MBOAT4: variants seen among roughly 807,000 people sequenced by gnomAD.
MBOAT4 encodes the protein membrane-bound ghrelin O-acyltransferase MBOAT4.
MBOAT4 carries 11 observed loss-of-function variants against 13.2 expected under a neutral mutation model. That is an observed-to-expected ratio of 0.84 (90% CI 0.53 to 1.38). MBOAT4 has a LOEUF of 1.38. Ranked by LOEUF, MBOAT4 falls within the 40% of genes most tolerant of loss-of-function variation. The probability of loss-of-function intolerance (pLI) is 0.00; values close to 1 mark genes in which losing one functional copy is unlikely to be tolerated. For synonymous variants in MBOAT4, 202 were observed against 210.3 expected (o/e 0.96, Z 0.34); for missense variants, 481 against 527.2 (o/e 0.91, Z 0.86).
intron 2 of MBOAT4, chr8:30,137,308 G>T: frequency 5.8e-6 from 9 of 1,551,698 alleles, no homozygotes; most frequent in Non-Finnish European, 7.8e-6. Context: ...GATGGGAACA[G>T]CTGAGTCTGA....
chr8:30,137,225 A>G (rs951063708), intron 2 of MBOAT4: 4 of 1,410,042 alleles, frequency 2.8e-6, no homozygotes, highest in African/African-American at 2.9e-5. Flanking sequence ...CTGATTCATG[A>G]CAACACTTCT....
intron 1 of MBOAT4, among the ~76,000 whole-genome samples, chr8:30,140,306 T>C (rs1803241646): frequency 6.6e-6 from 1 of 152,168 alleles, no homozygotes; most frequent in African/African-American, 2.4e-5. Flanking sequence ...TGGTACAGTC[T>C]TAGACACTGT....
chr8:30,142,368 A>AT (rs1165784718), intron 1 of MBOAT4, among the ~76,000 whole-genome samples: 1 of 151,768 alleles, frequency 6.6e-6, no homozygotes, highest in Non-Finnish European at 1.5e-5. Context: ...TTTTATTTTT[A>AT]TTTTTTTGAC....
intron 1 of MBOAT4, among the ~76,000 whole-genome samples, chr8:30,140,655 C>G (rs1009727725): frequency 3.9e-5 from 6 of 152,134 alleles, no homozygotes; most frequent in Admixed American, 3.9e-4. Flanking sequence ...TCCATGAGAT[C>G]TTGTACATTT....
intron 2 of MBOAT4, among the ~76,000 whole-genome samples, chr8:30,136,730 CTTT>C (rs11390350): frequency 7.0e-6 from 1 of 143,798 alleles, no homozygotes; most frequent in Admixed American, 6.9e-5. Context: ...TCCCCCCGAA[CTTT>C]TTTTTTTTTT....
chr8:30,138,874 C>T (rs1803208397), intron 1 of MBOAT4, 118 bp from the exon 2 acceptor site: 4 of 707,294 alleles, frequency 5.7e-6, no homozygotes, highest in Non-Finnish European at 9.5e-6. Context: ...CTAAAGTAGC[C>T]ATGCTGTTTG....
At chr8:30,144,098 T>C (rs1803308096) in intron 1 of MBOAT4, among the ~76,000 whole-genome samples, 1 of 152,156 alleles carries the variant, frequency 6.6e-6, no homozygotes, top group Non-Finnish European at 1.5e-5. Context: ...TCTTCACATC[T>C]GCAGTCTACT....
chr8:30,135,056 G>GT lies in MBOAT4; in HGVS notation c.345-2151dup, dbSNP rs34509876. 3.8e-3 allele frequency among the ~76,000 whole-genome samples: 420 copies of GT among 111,774 alleles called. 6 individuals carry two copies. In the East Asian group the frequency reaches 0.07, roughly 19 times the overall value. 73.3% of individuals were successfully genotyped at this position (111,774 alleles called of 152,430 possible). A position where few individuals can be genotyped will look rare whatever the true frequency, so the allele number is the denominator to read the frequency against. Reference sequence around the variant, plus strand: ...TACCACGCCTAGTTAATTTTTGTGGGTTTTTTTTTTTTTTTTGTAGAGATG... The same window carrying GT: ...TACCACGCCTAGTTAATTTTTGTGGGTTTTTTTTTTTTTTTTTGTAGAGATG... On this transcript the variant is annotated intron_variant, in intron 2 of 2. Transcript: ENST00000320542.
intron 2 of MBOAT4, among the ~76,000 whole-genome samples, chr8:30,134,794 C>G (rs534064404): frequency 6.6e-6 from 1 of 152,176 alleles, no homozygotes; most frequent in Non-Finnish European, 1.5e-5. Context: ...GAGATCTGCC[C>G]GCCTCGGCCT....
chr8:30,132,199 C>G lies in MBOAT4; in HGVS notation c.1052G>C (p.Trp351Ser). 1.3e-6 allele frequency: 2 copies of G among 1,551,872 alleles called. No individual in the cohort carries two copies. The highest frequency in any genetic ancestry group is 1.7e-6 in the Non-Finnish European group (2 of 1,147,034). ...HPGQVFGFVC[W>S]AVMVEADYLI... ...GTAGTCAGCTTCCACCATCACGGCC[C>G]AGCAAACGAAACCAAACACCTGTCC... The change falls in exon 3 of 3, where the codon TGG (tryptophan) becomes TCG (serine). Residue 351 changes from tryptophan (W) to serine (S), a missense_variant. Transcript: ENST00000320542.
chr8:30,133,948 C>T (rs1214007071), intron 2 of MBOAT4, among the ~76,000 whole-genome samples: 4 of 152,088 alleles, frequency 2.6e-5, no homozygotes, highest in African/African-American at 9.7e-5. Flanking sequence ...CAAAAGACTG[C>T]AAAAACCACA....
chr8:30,135,687 G>A (rs947202464), intron 2 of MBOAT4, among the ~76,000 whole-genome samples: 10 of 152,060 alleles, frequency 6.6e-5, no homozygotes, highest in Non-Finnish European at 1.5e-4. Flanking sequence ...GGTGAGGTGG[G>A]CTGATCACTT....
chr8:30,140,315 G>A (rs1803241913), intron 1 of MBOAT4, among the ~76,000 whole-genome samples: 1 of 152,170 alleles, frequency 6.6e-6, no homozygotes, highest in Non-Finnish European at 1.5e-5. Flanking sequence ...CTTAGACACT[G>A]TACCTAAGGT....
Position 30,138,635 on chromosome 8 carries a change from G to C in MBOAT4, c.241C>G (p.Gln81Glu). The change falls in exon 2 of 3, where the codon CAA (glutamine) becomes GAA (glutamate). Residue 81 changes from glutamine (Q) to glutamate (E), a missense_variant. Transcript: ENST00000320542. ...VALLCSLAPQ[Q>E]VHRWTFCFQM... Reference sequence around the variant, plus strand: ...AAGCAGAAGGTCCACCTGTGGACTTGCTGAGGAGCCAGGGAACAGAGGAGA... The same window carrying C: ...AAGCAGAAGGTCCACCTGTGGACTTCCTGAGGAGCCAGGGAACAGAGGAGA... 6.4e-7 allele frequency: 1 copy of C among 1,551,654 alleles called. No homozygotes were observed. The highest frequency in any genetic ancestry group is 8.7e-7 in the Non-Finnish European group (1 of 1,146,998).
chr8:30,138,378 G>T (rs1803192108), intron 2 of MBOAT4, 154 bp downstream of exon 2: 4 of 592,848 alleles, frequency 6.7e-6, no homozygotes, highest in Non-Finnish European at 1.2e-5. Flanking sequence ...AAAAAGAAAT[G>T]AGTCTGAAAG....
chr8:30,137,533 A>C, intron 2 of MBOAT4: 1 of 1,447,098 alleles, frequency 6.9e-7, no homozygotes, highest in Non-Finnish European at 9.5e-7. Context: ...ACACTGCACC[A>C]TGTAGGCAAC....
At position 30,132,537 on chromosome 8, in the gene MBOAT4, G is replaced by C. The variant is rs139376997; in HGVS notation, c.714C>G (p.Phe238Leu). ...TGGTCCACACGACATAGATGCACTC[G>C]AATTGCTGGCAATCAGTCAGTCCCG... ...AGAGLTDCQQ[F>L]ECIYVVWTTA... The change falls in exon 3 of 3, where the codon TTC becomes TTG. Residue 238 changes from phenylalanine to leucine, a missense_variant. Coordinates refer to ENST00000320542, the MANE Select transcript of MBOAT4 (RefSeq NM_001100916.2). 2 of 1,551,738 alleles carry C rather than the reference G, an allele frequency of 1.3e-6. No homozygotes were observed. Among genetic ancestry groups the C allele is most frequent in the Admixed American group, 3.9e-5 (2 of 50,998 alleles).
chr8:30,132,238 T>C lies in MBOAT4; in HGVS notation c.1013A>G (p.His338Arg), dbSNP rs1803034100. Reference sequence around the variant, plus strand: ...AAACACCTGTCCTGGATGGAGTCCATGCCACCAGGCAGAGAAGGCAAATGT... The same window carrying C: ...AAACACCTGTCCTGGATGGAGTCCACGCCACCAGGCAGAGAAGGCAAATGT... ...LQTFAFSAWW[H>R]GLHPGQVFGF... is the part of the protein sequence containing the mutation. Residue 338 changes from histidine to arginine, a missense_variant, in exon 3 of 3, where the codon CAT becomes CGT. Coordinates refer to ENST00000320542, the MANE Select transcript of MBOAT4 (RefSeq NM_001100916.2). 6.4e-7 allele frequency: 1 copy of C among 1,551,770 alleles called. No homozygotes were observed.
intron 2 of MBOAT4, among the ~76,000 whole-genome samples, chr8:30,136,833 G>A (rs1413526422): frequency 1.3e-5 from 2 of 151,414 alleles, no homozygotes; most frequent in South Asian, 2.1e-4. Flanking sequence ...GATTCCAGGC[G>A]TCCGCCACTA....
Sources: allele counts gnomAD v4.1 joint callset (sites outside exome capture counted in the v4.1 genomes callset), GRCh38; gene constraint gnomAD v4.1.1; transcripts MANE v1.5; gene names NCBI Gene and HGNC (gene_info 2026-07-23, HGNC 2026-07-21).